Variants in WHRN observed in about 807,000 individuals in gnomAD.
WHRN encodes the protein CASK-interacting protein CIP98.
Under a neutral mutation model 68.3 loss-of-function variants are expected in WHRN, and 41 were observed. That is an observed-to-expected ratio of 0.60 (90% CI 0.47 to 0.78). WHRN has a LOEUF of 0.78. WHRN is among the 30% of genes least tolerant of loss of function. The probability of loss-of-function intolerance (pLI) is 0.00; values close to 1 mark genes in which losing one functional copy is unlikely to be tolerated. For missense variants in WHRN, 1,243 were observed against 1,244.7 expected, an observed-to-expected ratio of 1.00 and a Z score of 0.02; for synonymous variants, 560 against 561.3, an observed-to-expected ratio of 1.00 and a Z score of 0.03.
intron 2 of WHRN, among the ~76,000 whole-genome samples, chr9:114,471,015 A>G (rs574894496): frequency 1.2e-4 from 18 of 152,304 alleles, no homozygotes; most frequent in Non-Finnish European, 1.5e-5. Flanking sequence ...TAAATTCTTT[A>G]CATCAGAATA....
intron 3 of WHRN, among the ~76,000 whole-genome samples, chr9:114,448,117 A>C (rs1190375780): frequency 1.3e-5 from 2 of 152,200 alleles, no homozygotes; most frequent in Non-Finnish European, 2.9e-5. Context: ...CCTAATTTGG[A>C]AATGGGGTCT....
chr9:114,408,148 C>CT (rs1835175346), intron 7 of WHRN, 130 bp from the exon 8 acceptor site: 1 of 741,996 alleles, frequency 1.3e-6, no homozygotes, highest in African/African-American at 1.7e-5. Context: ...CCTGACATAC[C>CT]TCACTTCATC....
At chr9:114,419,335 C>G (rs1836072825) in intron 7 of WHRN, among the ~76,000 whole-genome samples, 1 of 152,206 alleles carries the variant, frequency 6.6e-6, no homozygotes, top group South Asian at 2.1e-4. Flanking sequence ...TCATAGAGAA[C>G]ATTCAACAAA....
At chr9:114,500,219 T>C (rs1843804781) in intron 1 of WHRN, among the ~76,000 whole-genome samples, 1 of 152,180 alleles carries the variant, frequency 6.6e-6, no homozygotes, top group East Asian at 1.9e-4. Flanking sequence ...CTGGCAGGAC[T>C]CACAGGACCC....
chr9:114,450,836 C>CCA (rs1554725573), intron 3 of WHRN, among the ~76,000 whole-genome samples: 1 of 149,756 alleles, frequency 6.7e-6, no homozygotes, highest in South Asian at 2.1e-4. Flanking sequence ...TCCCCCCCCG[C>CCA]AAAAAAATAC....
At chr9:114,478,144 C>T (rs1263049202) in intron 2 of WHRN, among the ~76,000 whole-genome samples, 4 of 152,060 alleles carry the variant, frequency 2.6e-5, no homozygotes, top group Non-Finnish European at 5.9e-5. Flanking sequence ...AGTATTCAGC[C>T]AGGCATGGTG....
chr9:114,502,822 G>T (rs928660447), intron 1 of WHRN, among the ~76,000 whole-genome samples: 1 of 152,172 alleles, frequency 6.6e-6, no homozygotes, highest in Non-Finnish European at 1.5e-5. Flanking sequence ...GGGAACTCCA[G>T]ACCATTTAAG....
chr9:114,427,262 C>CA (rs752834012), intron 3 of WHRN, among the ~76,000 whole-genome samples: 1 of 152,108 alleles, frequency 6.6e-6, no homozygotes, highest in African/African-American at 2.4e-5. Flanking sequence ...TCTCTTTTTA[C>CA]AAAAATACTT....
At chr9:114,474,125 C>T (rs1841461048) in intron 2 of WHRN, among the ~76,000 whole-genome samples, 1 of 152,198 alleles carries the variant, frequency 6.6e-6, no homozygotes, top group Non-Finnish European at 1.5e-5. Flanking sequence ...TCACCCCACT[C>T]AACTCAGGAA....
chr9:114,494,363 A>G (rs769934375), intron 1 of WHRN, among the ~76,000 whole-genome samples: 3 of 152,256 alleles, frequency 2.0e-5, no homozygotes, highest in Non-Finnish European at 2.9e-5. Context: ...GCTTTAACAC[A>G]TTGTCTGCAT....
chr9:114,424,835 C>T (rs1836669072), intron 5 of WHRN, among the ~76,000 whole-genome samples, 153 bp downstream of exon 5: 1 of 152,208 alleles, frequency 6.6e-6, no homozygotes, highest in Non-Finnish European at 1.5e-5. Context: ...ACCTAGCAGT[C>T]AGTCACAGAT....
At chr9:114,463,578 C>T (rs571785417) in intron 3 of WHRN, among the ~76,000 whole-genome samples, 1 of 152,234 alleles carries the variant, frequency 6.6e-6, no homozygotes, top group East Asian at 1.9e-4. Flanking sequence ...ATGTTAGTTT[C>T]TCGGTCTTGA....
In WHRN at chr9:114,404,118, T is replaced by G. The variant is rs770071244; in HGVS notation, c.2237-41A>C. ...GGAAGAGAGAAGCAGCTTATATAGC[T>G]GGGGTCAGGGAGGGCTGCCTGGAGG... On this transcript the variant is annotated intron_variant, in intron 9 of 11. Coordinates refer to ENST00000362057, the MANE Select transcript of WHRN (RefSeq NM_015404.4). The G allele has an allele frequency of 4.4e-6, 7 of 1,598,954 alleles. No homozygotes were observed. The South Asian group carries it at 7.8e-5, about 18-fold the overall frequency.
intron 7 of WHRN, among the ~76,000 whole-genome samples, chr9:114,420,327 A>G (rs1836170326): frequency 6.6e-6 from 1 of 152,170 alleles, no homozygotes; most frequent in Non-Finnish European, 1.5e-5. Flanking sequence ...GAAACAGGCG[A>G]GTCCCCACTG....
intron 3 of WHRN, among the ~76,000 whole-genome samples, chr9:114,460,090 C>T (rs1025629012): frequency 2.6e-5 from 4 of 152,178 alleles, no homozygotes; most frequent in South Asian, 2.1e-4. Flanking sequence ...GTGTGGAGGC[C>T]GTGGGCCAGG....
At chr9:114,442,293 T>TA (rs1838438080) in intron 3 of WHRN, among the ~76,000 whole-genome samples, 1 of 152,220 alleles carries the variant, frequency 6.6e-6, no homozygotes. Context: ...GCAGATTGGA[T>TA]AATAGCATTG....
chr9:114,424,630 T>G, intron 5 of WHRN, 84 bp from the exon 6 acceptor site: 3 of 1,423,442 alleles, frequency 2.1e-6, no homozygotes, highest in Non-Finnish European at 2.9e-6. Flanking sequence ...TGCCCTTCCA[T>G]CCTGTCTAAG....
At chr9:114,493,520 T>C (rs1463927219) in intron 1 of WHRN, among the ~76,000 whole-genome samples, 1 of 152,118 alleles carries the variant, frequency 6.6e-6, no homozygotes, top group Admixed American at 6.5e-5. Context: ...GCCTTTCACA[T>C]GAGGCCCAGG....
At chr9:114,467,722 C>A (rs1263151607) in intron 2 of WHRN, among the ~76,000 whole-genome samples, 2 of 152,060 alleles carry the variant, frequency 1.3e-5, no homozygotes, top group African/African-American at 4.8e-5. Context: ...CAGGAACATG[C>A]AGGTTAAGTG....
Sources: allele counts gnomAD v4.1 joint callset (sites outside exome capture counted in the v4.1 genomes callset), GRCh38; gene constraint gnomAD v4.1.1; transcripts MANE v1.5; gene names NCBI Gene and HGNC (gene_info 2026-07-23, HGNC 2026-07-21).